The following ROR1 variants were observed in gnomAD, a reference collection of about 807,000 sequenced individuals.
ROR1 encodes the protein ROR family WNT receptor 1.
A neutral mutation model predicts 78.8 loss-of-function variants in ROR1; 19 were observed. That is an observed-to-expected ratio of 0.24 (90% CI 0.17 to 0.35). The LOEUF (loss-of-function observed/expected upper bound fraction) is 0.35. ROR1 is among the 10% of genes least tolerant of loss of function. The pLI, the probability that ROR1 is intolerant of heterozygous loss-of-function variation, is 1.00. For missense variants in ROR1, 917 were observed against 1,177.8 expected, an observed-to-expected ratio of 0.78 and a Z score of 3.24; for synonymous variants, 386 against 433.6, an observed-to-expected ratio of 0.89 and a Z score of 1.36.
intron 2 of ROR1, chr1:64,028,967 C>T (rs560839688): frequency 6.6e-6 from 1 of 152,144 alleles, no homozygotes; most frequent in South Asian, 2.1e-4. Context: ...CTTTATTGTT[C>T]TGATTTTAGT....
chr1:64,091,579 G>A (rs1414043436), intron 4 of ROR1, among the ~76,000 whole-genome samples: 1 of 152,062 alleles, frequency 6.6e-6, no homozygotes, highest in Non-Finnish European at 1.5e-5. Context: ...CTGGGCATGT[G>A]TCCCATTCTG....
chr1:63,794,004 T>TA (rs1285504632), intron 1 of ROR1, among the ~76,000 whole-genome samples: 1 of 152,154 alleles, frequency 6.6e-6, no homozygotes, highest in Non-Finnish European at 1.5e-5. Context: ...CTAATGCAGT[T>TA]AGGTAAAGGC....
In ROR1 at chr1:63,798,830, G is replaced by T. The variant is rs1011220530; in HGVS notation, c.91+24322G>T. On this transcript the variant is annotated intron_variant, in intron 1 of 8. Coordinates refer to ENST00000371079, the MANE Select transcript of ROR1 (RefSeq NM_005012.4). ...GATGAGGCAACTGAGACTCAGAAAC[G>T]TTAAGCAAAAGTATCTCTGGTTCAT... 2.6e-5 allele frequency among the ~76,000 whole-genome samples: 4 copies of T among 151,898 alleles called. No homozygotes were observed. In the South Asian group the frequency reaches 8.3e-4, roughly 32 times the overall value.
intron 1 of ROR1, among the ~76,000 whole-genome samples, chr1:63,794,573 G>A (rs564575851): frequency 3.3e-5 from 5 of 152,340 alleles, no homozygotes; most frequent in Non-Finnish European, 5.9e-5. Context: ...CTCAGGACCT[G>A]TTATCAGAGG....
At chr1:63,941,337 CAG>C (rs2100457166) in intron 1 of ROR1, among the ~76,000 whole-genome samples, 1 of 152,260 alleles carries the variant, frequency 6.6e-6, no homozygotes, top group East Asian at 1.9e-4. Context: ...AATACACACA[CAG>C]AATGATACAG....
chr1:64,149,039 G>A (rs1649550728), intron 7 of ROR1, among the ~76,000 whole-genome samples: 2 of 152,132 alleles, frequency 1.3e-5, no homozygotes, highest in South Asian at 2.1e-4. Context: ...ATCACATTAA[G>A]TATTGTCATA....
At chr1:63,958,415 T>C (rs1646001248) in intron 1 of ROR1, among the ~76,000 whole-genome samples, 1 of 152,184 alleles carries the variant, frequency 6.6e-6, no homozygotes, top group African/African-American at 2.4e-5. Context: ...GCAGCAATAA[T>C]GGCAGTTAAA....
intron 2 of ROR1, 122 bp downstream of exon 2, chr1:64,009,498 T>A (rs760244564): frequency 2.9e-5 from 20 of 679,900 alleles, no homozygotes; most frequent in Non-Finnish European, 4.8e-5. Context: ...GGGGCCAAAA[T>A]AAATCCCCAG....
rs544383675 is a variant in ROR1 at position 64,127,021 on chromosome 1, CT to C, written c.483-10342del. Among the ~76,000 whole-genome samples the C allele has an allele frequency of 3.9e-5, 6 of 152,194 alleles. No individual in the cohort carries two copies. In the South Asian group the frequency reaches 8.3e-4, roughly 21 times the overall value. Reference sequence around the variant, plus strand: ...GGCAGTGTAGAACAAAACCTAGCACCTTTTTTCAAGTTTGTTTCCTCAATAT... The same window carrying C: ...GGCAGTGTAGAACAAAACCTAGCACCTTTTTCAAGTTTGTTTCCTCAATAT... On this transcript the variant is annotated intron_variant, in intron 4 of 8. Transcript: ENST00000371079.
At chr1:64,013,320 T>A (rs1646492507) in intron 2 of ROR1, among the ~76,000 whole-genome samples, 1 of 152,204 alleles carries the variant, frequency 6.6e-6, no homozygotes, top group Admixed American at 6.5e-5. Context: ...CACACTTTAG[T>A]GTTCATTCAT....
At chr1:63,780,609 AG>A (rs372298316) in intron 1 of ROR1, among the ~76,000 whole-genome samples, 65 of 152,302 alleles carry the variant, frequency 4.3e-4, no homozygotes, top group African/African-American at 1.4e-3. Flanking sequence ...GTAGCAACCA[AG>A]GCTCAGAGAA....
intron 2 of ROR1, 148 bp from the exon 3 acceptor site, chr1:64,049,543 A>G (rs981042869): frequency 7.0e-6 from 5 of 718,874 alleles, no homozygotes; most frequent in East Asian, 5.0e-5. Flanking sequence ...GTCTTAATCA[A>G]TGTGATTGTT....
At chr1:64,037,559 A>G (rs17126015) in intron 2 of ROR1, among the ~76,000 whole-genome samples, 3,884 of 152,198 alleles carry the variant, frequency 0.026, 167 homozygotes, top group African/African-American at 0.089. Context: ...TCTATGGTTA[A>G]TAAGACCGTG....
At chr1:63,977,446 G>T (rs750225878) in intron 1 of ROR1, among the ~76,000 whole-genome samples, 9 of 152,092 alleles carry the variant, frequency 5.9e-5, no homozygotes, top group Non-Finnish European at 1.0e-4. Context: ...TGGATTTTTG[G>T]GTTAGGGATG....
intron 1 of ROR1, among the ~76,000 whole-genome samples, chr1:64,005,544 C>T (rs562919880): frequency 2.0e-5 from 3 of 152,028 alleles, no homozygotes; most frequent in African/African-American, 7.2e-5. Flanking sequence ...AGTGGTGAGG[C>T]GAATAGGAAT....
chr1:64,002,145 T>C lies in ROR1; in HGVS notation c.92-7160T>C, dbSNP rs2100534085. 2.0e-5 allele frequency among the ~76,000 whole-genome samples: 3 copies of C among 150,146 alleles called. No individual in the cohort carries two copies. The South Asian group carries it at 6.4e-4, about 32-fold the overall frequency. ...ACCAGTTCAACCTTTTTTTTTTTTT[T>C]TTTTTTTGAGACGGAGTCTCGCTCT... On this transcript the variant is annotated intron_variant, in intron 1 of 8. Transcript: ENST00000371079.
At chr1:64,052,660 G>T (rs534449851) in intron 4 of ROR1, among the ~76,000 whole-genome samples, 1 of 152,062 alleles carries the variant, frequency 6.6e-6, no homozygotes, top group African/African-American at 2.4e-5. Flanking sequence ...TTGATATCAC[G>T]CATCTCTGTT....
Position 64,049,839 on chromosome 1 carries a change from G to T in ROR1, c.312G>T (p.Arg104Ser). The T allele has an allele frequency of 6.2e-7, 1 of 1,614,194 alleles. No homozygotes were observed. Among genetic ancestry groups the T allele is most frequent in the Non-Finnish European group, 8.5e-7 (1 of 1,180,028 alleles). The stretch of plus-strand genomic sequence containing the variant: ...CTCCTGTGGTCCAGGAGCCCCGGAG[G>T]CTCTCCTTTCGGTCCACCATCTATG... ...NDAPVVQEPR[R>S]LSFRSTIYGS... Residue 104 changes from arginine to serine, a missense_variant, in exon 3 of 9, where the codon AGG (arginine) becomes AGT (serine). This residue lies in a region of ROR1 where 835 missense variants were observed against 1,069.8 expected (regional missense o/e 0.78). Coordinates refer to ENST00000371079, the MANE Select transcript of ROR1 (RefSeq NM_005012.4).
intron 1 of ROR1, among the ~76,000 whole-genome samples, chr1:63,854,058 A>T (rs1326150316): frequency 1.3e-5 from 2 of 152,314 alleles, no homozygotes; most frequent in Admixed American, 6.5e-5. Flanking sequence ...GGCCTCTGTG[A>T]TAATGAATGT....
Sources: gnomAD v4.1 joint callset for allele counts (sites outside exome capture counted in the v4.1 genomes callset) on GRCh38, gnomAD v4.1.1 for gene constraint, gnomAD v4.1.1 regional missense constraint, MANE v1.5 for transcripts, NCBI Gene and HGNC (gene_info 2026-07-23, HGNC 2026-07-21) for gene names.